SMG1: variants seen among roughly 807,000 people sequenced by gnomAD.
SMG1 encodes SMG1 nonsense mediated mRNA decay associated PI3K related kinase, also known as serine/threonine-protein kinase SMG1.
SMG1 carries 22 observed loss-of-function variants against 419.9 expected under a neutral mutation model. The ratio of observed to expected loss-of-function variants is 0.05; its 90% confidence interval spans 0.04 to 0.07. The LOEUF is 0.07. Ranked by LOEUF, SMG1 falls within the 10% of genes least tolerant of loss-of-function variation. The pLI is 1.00. For missense variants in SMG1, 3,185 were observed against 4,342.0 expected (o/e 0.73, Z 7.49); for synonymous variants, 1,538 against 1,553.5 (o/e 0.99, Z 0.23).
intron 55 of SMG1, among the ~76,000 whole-genome samples, chr16:18,820,239 C>G (rs1248576508): frequency 6.8e-6 from 1 of 146,770 alleles, no homozygotes; most frequent in Admixed American, 6.8e-5. Context: ...GCTGGGATTA[C>G]AGGTGTGAGC....
intron 2 of SMG1, among the ~76,000 whole-genome samples, 179 bp from the exon 3 acceptor site, chr16:18,896,386 GTTAAA>G (rs887376061): frequency 9.9e-5 from 15 of 152,072 alleles, no homozygotes; most frequent in South Asian, 4.1e-4. Flanking sequence ...CACCTTTGAA[GTTAAA>G]TTAATTTTAT....
chr16:18,834,746 CA>C (rs763098361), intron 49 of SMG1, 145 bp downstream of exon 49: 19 of 956,036 alleles, frequency 2.0e-5, no homozygotes, highest in Non-Finnish European at 2.7e-5. Context: ...GACCCTGTCT[CA>C]AAACACAACC....
At chr16:18,833,247 T>A in intron 50 of SMG1, 81 bp from the exon 51 acceptor site, 1 of 1,051,266 alleles carries the variant, frequency 9.5e-7, no homozygotes. Flanking sequence ...AGCCATACAT[T>A]AAGAGCAAAC....
chr16:18,868,496 A>G (rs1050606284), intron 21 of SMG1, 27 bp downstream of exon 21: 27 of 1,462,816 alleles, frequency 1.8e-5, no homozygotes, highest in African/African-American at 1.8e-4. Context: ...AACTGCTATA[A>G]AACAACACTA....
chr16:18,858,149 C>G, intron 29 of SMG1, 21 bp downstream of exon 29: 1 of 1,525,422 alleles, frequency 6.6e-7, no homozygotes, highest in Non-Finnish European at 8.8e-7. Context: ...TTTTCTCTTA[C>G]AAGAAAAAAA....
At chr16:18,908,187 G>A (rs2005273) in intron 1 of SMG1, among the ~76,000 whole-genome samples, 9,980 of 151,928 alleles carry the variant, frequency 0.066, 1,098 homozygotes, top group African/African-American at 0.23. Flanking sequence ...CCAACATGGT[G>A]AAACCCAGTC....
At chr16:18,866,599 C>T (rs900448526) in intron 23 of SMG1, 22 bp downstream of exon 23, 1 of 1,574,082 alleles carries the variant, frequency 6.4e-7, no homozygotes, top group Admixed American at 1.7e-5. Context: ...TTCTATCACC[C>T]ATTTCCTTCC....
At chr16:18,849,104 A>AAAAAAAAAAAAAAAAAAAAC (rs1555493199) in intron 36 of SMG1, 113 bp downstream of exon 36, 2 of 260,730 alleles carry the variant, frequency 7.7e-6, no homozygotes, top group Middle Eastern at 1.4e-3. Flanking sequence ...AAAAAAAAAA[A>AAAAAAAAAAAAAAAAAAAAC]AACCCTACAA....
At chr16:18,882,747 G>A (rs1393421633) in intron 9 of SMG1, among the ~76,000 whole-genome samples, 4 of 152,132 alleles carry the variant, frequency 2.6e-5, no homozygotes, top group Non-Finnish European at 5.9e-5. Context: ...TCCAAACCAA[G>A]AGCATGCACA....
In SMG1 at chr16:18,839,853, C is replaced by A. The variant is rs771489797; in HGVS notation, c.6790G>T (p.Val2264Phe). 3.7e-6 allele frequency: 6 copies of A among 1,613,776 alleles called. No individual in the cohort carries two copies. Among genetic ancestry groups the A allele is most frequent in the South Asian group, 1.1e-5 (1 of 91,054 alleles). ...YSKIGPALKT[V>F]GLSLDVSRRD... ...CGGGACACATCCAGGCTAAGCCCAA[C>A]TGTTTTCAAAGCAGGGCCAATTTTA... The change falls in exon 42 of 63, where the codon GTT becomes TTT. Residue 2264 changes from valine to phenylalanine, a missense_variant. Val to Phe is a conservative substitution (Grantham distance 50). Coordinates refer to ENST00000446231, the MANE Select transcript of SMG1 (RefSeq NM_015092.5).
At position 18,912,243 on chromosome 16, in the gene SMG1, T is replaced by C. The variant is rs539989020; in HGVS notation, c.92+13707A>G. 5.3e-5 allele frequency among the ~76,000 whole-genome samples: 8 copies of C among 151,710 alleles called. No homozygotes were observed. In the South Asian group the frequency reaches 1.7e-3, roughly 31 times the overall value. ...CAAATTTCACATAGGAGAATAGTTT[T>C]TGAAATCTTTGCACAACAGGGTGGC... On this transcript the variant is annotated intron_variant, in intron 1 of 62. Transcript: ENST00000446231.
Position 18,864,210 on chromosome 16 carries a change from T to TC in SMG1, c.3351-67_3351-66insG, listed in dbSNP as rs1456020070. ...TACTTTTTTTTTTTTTTTTTTTTTTTTTGTGATGAAGTTTTGCTCTTCTTG... is the reference window on the plus strand; with the variant it reads ...TACTTTTTTTTTTTTTTTTTTTTTTTCTTGTGATGAAGTTTTGCTCTTCTTG... On this transcript the variant is annotated intron_variant, in intron 23 of 62. Transcript: ENST00000446231. 603 of 1,332,326 alleles carry TC rather than the reference T, an allele frequency of 4.5e-4. No homozygotes were observed. The African/African-American group carries it at 7.6e-3, about 17-fold the overall frequency. 82.5% of individuals were successfully genotyped at this position (1,332,326 alleles called of 1,614,324 possible).
intron 6 of SMG1, among the ~76,000 whole-genome samples, chr16:18,887,672 TAAAAAAAAA>T (rs368196825): frequency 1.5e-5 from 1 of 65,714 alleles, no homozygotes; most frequent in African/African-American, 7.2e-5. Flanking sequence ...ACTTTTTATT[TAAAAAAAAA>T]AAAAAAAAAA....
rs141586572 is a variant in SMG1 at position 18,842,584 on chromosome 16, G to A, written c.6220-130C>T. 2,847 of 844,054 alleles carry A rather than the reference G, an allele frequency of 3.4e-3. 72 individuals are homozygous for A. The African/African-American group carries it at 0.044, about 13-fold the overall frequency. 52.3% of individuals were successfully genotyped at this position (844,054 alleles called of 1,614,324 possible). A position where few individuals can be genotyped will look rare whatever the true frequency, so the allele number is the denominator to read the frequency against. The stretch of plus-strand genomic sequence containing the variant: ...TCATGCCTGTAATCCCAGCACTTTG[G>A]GAGGCCGAGGTAGGCAGATCACTTG... On this transcript the variant is annotated intron_variant, in intron 39 of 62. Transcript: ENST00000446231.
At chr16:18,837,676 A>C (rs914795280) in intron 45 of SMG1, among the ~76,000 whole-genome samples, 7 of 152,232 alleles carry the variant, frequency 4.6e-5, no homozygotes, top group African/African-American at 1.7e-4. Context: ...ACCCAGAACA[A>C]GACTGGCATC....
At chr16:18,814,016 G>A (rs540028286) in intron 60 of SMG1, among the ~76,000 whole-genome samples, 1 of 92,362 alleles carries the variant, frequency 1.1e-5, no homozygotes. Context: ...GGGCGACTGA[G>A]TGAGACTCAT....
chr16:18,879,856 C>A, intron 10 of SMG1, 137 bp from the exon 11 acceptor site: 1 of 744,996 alleles, frequency 1.3e-6, no homozygotes, highest in South Asian at 1.6e-5. Flanking sequence ...TATTCTAGTT[C>A]TCAGTAGTTG....
chr16:18,892,854 C>G (rs185498490), intron 3 of SMG1, among the ~76,000 whole-genome samples: 106 of 152,302 alleles, frequency 7.0e-4, no homozygotes, highest in African/African-American at 2.4e-3. Flanking sequence ...TGGCAAATAA[C>G]AGACCCTCAA....
intron 12 of SMG1, 34 bp from the exon 13 acceptor site, chr16:18,876,427 G>T (rs1451389839): frequency 1.3e-6 from 2 of 1,551,168 alleles, no homozygotes; most frequent in Non-Finnish European, 1.7e-6. Flanking sequence ...AGTGATAAAT[G>T]GAAAATAAAT....
Sources: allele counts gnomAD v4.1 joint callset (sites outside exome capture counted in the v4.1 genomes callset), GRCh38; gene constraint gnomAD v4.1.1; transcripts MANE v1.5; gene names NCBI Gene and HGNC (gene_info 2026-07-23, HGNC 2026-07-21).